The following CEBPZOS variants were observed in gnomAD, a reference collection of about 807,000 sequenced individuals.
CEBPZOS encodes protein CEBPZOS.
In CEBPZOS, 10 loss-of-function variants were observed where a neutral mutation model predicts 4.8. The observed-to-expected ratio is 2.07, with a 90% CI of 1.28 to 3.52. The LOEUF is 3.52. CEBPZOS is among the 30% of genes most tolerant of loss of function. The pLI is 0.00. For missense variants in CEBPZOS, 98 were observed against 43.6 expected (o/e 2.25, Z -3.51); for synonymous variants, 25 against 14.2 (o/e 1.77, Z -1.72).
In CEBPZOS at chr2:37,201,744, C is replaced by G; in HGVS notation, c.*2+18C>G. The G allele has an allele frequency of 2.3e-6, 3 of 1,280,636 alleles. No individual in the cohort carries two copies. The highest frequency in any genetic ancestry group is 3.4e-6 in the Non-Finnish European group (3 of 892,116). The allele number at this position is 1,280,636 out of a possible 1,614,324, so 79.3% of individuals were successfully genotyped here. On this transcript the variant is annotated intron_variant, in intron 4 of 4. Transcript: ENST00000402297. ...AATTAGATGTAAGTAGAATTTTAAT[C>G]TATAATTTACATTAATAACTCATTT...
intron 1 of CEBPZOS, among the ~76,000 whole-genome samples, chr2:37,197,736 C>T (rs1677016494): frequency 6.6e-6 from 1 of 152,136 alleles, no homozygotes; most frequent in South Asian, 2.1e-4. Flanking sequence ...CGTGGTGGCA[C>T]ACGCCTATAA....
intron 2 of CEBPZOS, among the ~76,000 whole-genome samples, chr2:37,200,422 G>A (rs975609485): frequency 3.3e-5 from 5 of 152,064 alleles, no homozygotes; most frequent in African/African-American, 1.2e-4. Flanking sequence ...TGGTTGGAAC[G>A]CTGTACCAAG....
At chr2:37,198,894 C>T (rs1363608645) in intron 1 of CEBPZOS, among the ~76,000 whole-genome samples, 1 of 152,184 alleles carries the variant, frequency 6.6e-6, no homozygotes. Flanking sequence ...TGGCTCATGC[C>T]TGTAATCCCA....
chr2:37,204,659 A>G lies in CEBPZOS; in HGVS notation c.*2799A>G, dbSNP rs1677466844. On this transcript the variant is annotated 3_prime_UTR_variant, in exon 5 of 5. Coordinates refer to ENST00000402297, the MANE Select transcript of CEBPZOS (RefSeq NM_001322374.2). ...CTATAAGGTATGTTTATTCTTAAGG[A>G]TATCTACTCTAACACCTGTAAATGT... 1 of 152,134 alleles carries G rather than the reference A, an allele frequency of 6.6e-6. No individual in the cohort carries two copies. Among genetic ancestry groups the G allele is most frequent in the African/African-American group, 2.4e-5 (1 of 41,422 alleles). The allele number at this position is 152,134 out of a possible 1,614,324, so 9.4% of individuals were successfully genotyped here. A position where few individuals can be genotyped will look rare whatever the true frequency, so the allele number is the denominator to read the frequency against.
rs764236522 is a variant in CEBPZOS, at chr2:37,202,869, T to C, written c.*1009T>C. Reference sequence around the variant, plus strand: ...TTTCATCCAATAGATGGCCAAACTTTTAAACAAAAACGATAAATTTATTAG... The same window carrying C: ...TTTCATCCAATAGATGGCCAAACTTCTAAACAAAAACGATAAATTTATTAG... On this transcript the variant is annotated 3_prime_UTR_variant, in exon 5 of 5. Transcript: ENST00000402297. 6.3e-7 allele frequency: 1 copy of C among 1,598,412 alleles called. No homozygotes were observed. The highest frequency in any genetic ancestry group is 8.5e-7 in the Non-Finnish European group (1 of 1,172,954).
At chr2:37,215,725 T>C (rs1236307570), downstream of CEBPZOS, among the ~76,000 whole-genome samples, 2 of 152,104 alleles carry the variant, frequency 1.3e-5, no homozygotes, top group Non-Finnish European at 2.9e-5. Context: ...AAAATGATGC[T>C]CTGTGACAAA....
downstream of CEBPZOS, chr2:37,215,013 C>A: frequency 9.3e-7 from 1 of 1,079,566 alleles, no homozygotes; most frequent in Non-Finnish European, 1.4e-6. Context: ...GTTACTCAAG[C>A]TCTTAAGACA....
rs1188170077 is a variant in CEBPZOS, at chr2:37,202,975, G to T, written c.*1115G>T. On this transcript the variant is annotated 3_prime_UTR_variant, in exon 5 of 5. Coordinates refer to ENST00000402297, the MANE Select transcript of CEBPZOS (RefSeq NM_001322374.2). ...CTCTTCAGCAGATACAAATAGGCTG[G>T]AATCATTTAAGTTTCTTTTCTTTTT... 1 of 1,559,282 alleles carries T rather than the reference G, an allele frequency of 6.4e-7. No homozygotes were observed. Among genetic ancestry groups the T allele is most frequent in the East Asian group, 2.3e-5 (1 of 43,108 alleles).
chr2:37,205,262 CT>C (rs1189028712), downstream of CEBPZOS, among the ~76,000 whole-genome samples: 1 of 152,194 alleles, frequency 6.6e-6, no homozygotes. Context: ...ATCATATCCC[CT>C]GTGACCTGCA....
chr2:37,212,538 G>T (rs745465775), intron 4 of CEBPZOS: 1 of 689,712 alleles, frequency 1.4e-6, no homozygotes, highest in Non-Finnish European at 2.5e-6. Flanking sequence ...TGTTGCTAGT[G>T]TGCCTTAATA....
At chr2:37,216,108 T>C (rs764085192), downstream of CEBPZOS, 4 of 1,489,382 alleles carry the variant, frequency 2.7e-6, no homozygotes, top group Admixed American at 7.5e-5. Context: ...ATATTGTCTT[T>C]TCAGTTTCAA....
Position 37,203,239 on chromosome 2 carries a change from T to C in CEBPZOS, c.*1379T>C, listed in dbSNP as rs1677367775. ...CTGTTCAGATGACAAGAGTGTCTTC[T>C]TGCTTTTCAGATTTGGCCACTGATC... is the stretch of plus-strand genomic sequence containing the variant. On this transcript the variant is annotated 3_prime_UTR_variant, in exon 5 of 5. Transcript: ENST00000402297. The C allele has an allele frequency of 6.5e-6, 2 of 306,980 alleles. No individual in the cohort carries two copies. The allele number at this position is 306,980 out of a possible 1,614,324, so 19.0% of individuals were successfully genotyped here.
In CEBPZOS at chr2:37,203,750, G is replaced by C. The variant is rs1252939653; in HGVS notation, c.*1890G>C. The C allele has an allele frequency of 1.3e-5, 2 of 152,160 alleles. No individual in the cohort carries two copies. The highest frequency in any genetic ancestry group is 4.8e-5 in the African/African-American group (2 of 41,434). 9.4% of individuals were successfully genotyped at this position (152,160 alleles called of 1,614,324 possible). On this transcript the variant is annotated 3_prime_UTR_variant, in exon 5 of 5. Coordinates refer to ENST00000402297, the MANE Select transcript of CEBPZOS (RefSeq NM_001322374.2). ...CTCCAACCCATCTCCGATCTATCTTGTTTCTATGACTTGCCTTTTCTGGCT... is the reference window on the plus strand; with the variant it reads ...CTCCAACCCATCTCCGATCTATCTTCTTTCTATGACTTGCCTTTTCTGGCT...
downstream of CEBPZOS, among the ~76,000 whole-genome samples, chr2:37,205,079 ATAACG>A (rs1322558582): frequency 3.5e-4 from 54 of 152,266 alleles, 1 homozygote; most frequent in Non-Finnish European, 7.3e-5. Flanking sequence ...AATCTGGAAG[ATAACG>A]TGTTATAATT....
intron 4 of CEBPZOS, chr2:37,212,065 C>T (rs375599099): frequency 2.2e-4 from 342 of 1,548,916 alleles, no homozygotes; most frequent in Non-Finnish European, 2.8e-4. Context: ...ACTTGTAATA[C>T]AAGAGGAGGC....
rs966558022 is a variant in CEBPZOS, at chr2:37,203,079, G to T, written c.*1219G>T. The T allele has an allele frequency of 1.4e-5, 14 of 1,035,216 alleles. No individual in the cohort carries two copies. Among genetic ancestry groups the T allele is most frequent in the African/African-American group, 1.2e-4 (7 of 59,988 alleles). 64.1% of individuals were successfully genotyped at this position (1,035,216 alleles called of 1,614,324 possible). On this transcript the variant is annotated 3_prime_UTR_variant, in exon 5 of 5. Transcript: ENST00000402297. ...ATTTTAGAAAAATGCAATGCAACAT[G>T]ATTTTATTTTAAAAATTATACTTGG...
chr2:37,215,173 G>A, downstream of CEBPZOS: 1 of 427,306 alleles, frequency 2.3e-6, no homozygotes, highest in South Asian at 4.1e-5. Flanking sequence ...GCATAAAGTA[G>A]GCAGTACATA....
chr2:37,197,272 G>A (rs1265064112), intron 1 of CEBPZOS: 11 of 152,238 alleles, frequency 7.2e-5, no homozygotes, highest in Admixed American at 6.5e-4. Context: ...CTGGTGGTCT[G>A]TAGCAAAGGA....
intron 4 of CEBPZOS, chr2:37,212,119 G>T: frequency 8.2e-7 from 1 of 1,219,254 alleles, no homozygotes; most frequent in Non-Finnish European, 1.1e-6. Context: ...AGGGCAGTAG[G>T]CTATTAAATG....
Sources: gnomAD v4.1 joint callset for allele counts (sites outside exome capture counted in the v4.1 genomes callset) on GRCh38, gnomAD v4.1.1 for gene constraint, MANE v1.5 for transcripts, NCBI Gene and HGNC (gene_info 2026-07-23, HGNC 2026-07-21) for gene names.